Variants in NIBAN1 observed in about 807,000 individuals in gnomAD.
NIBAN1 encodes niban apoptosis regulator 1, also known as protein Niban 1.
In NIBAN1, 81 loss-of-function variants were observed where a neutral mutation model predicts 75.1. That is an observed-to-expected ratio of 1.08 (90% CI 0.90 to 1.30). The LOEUF is 1.30. Among genes scored for constraint, NIBAN1 ranks in the 50% most tolerant of loss-of-function variants. The pLI is 0.00. For synonymous variants in NIBAN1, 436 were observed against 424.8 expected (o/e 1.03, Z -0.32); for missense variants, 1,133 against 1,128.1 (o/e 1.00, Z -0.06).
chr1:184,888,534 G>T (rs577938619), intron 4 of NIBAN1, among the ~76,000 whole-genome samples: 30 of 152,140 alleles, frequency 2.0e-4, no homozygotes, highest in Non-Finnish European at 3.8e-4. Flanking sequence ...TGAGTTACAA[G>T]AATATCACAA....
intron 5 of NIBAN1, among the ~76,000 whole-genome samples, chr1:184,860,277 CG>C (rs1434016776): frequency 4.9e-5 from 2 of 40,490 alleles, no homozygotes; most frequent in South Asian, 8.7e-4. Flanking sequence ...GCGGCGGGGG[CG>C]GGGGGCCAGG....
intron 5 of NIBAN1, among the ~76,000 whole-genome samples, chr1:184,832,579 A>T (rs956374790): frequency 2.6e-5 from 4 of 152,240 alleles, no homozygotes; most frequent in African/African-American, 9.6e-5. Context: ...GCACAGAAAG[A>T]TGAATTAATT....
At chr1:184,816,992 C>T (rs1202448666) in intron 9 of NIBAN1, among the ~76,000 whole-genome samples, 1 of 152,124 alleles carries the variant, frequency 6.6e-6, no homozygotes, top group Non-Finnish European at 1.5e-5. Flanking sequence ...TTGTCATTTA[C>T]ATTAGGTATT....
intron 1 of NIBAN1, among the ~76,000 whole-genome samples, chr1:184,942,419 C>T (rs568603803): frequency 2.6e-5 from 4 of 152,340 alleles, no homozygotes; most frequent in South Asian, 4.1e-4. Flanking sequence ...TGCCGCGGGG[C>T]GCGGTGGCTC....
chr1:184,873,262 A>C (rs925261944), intron 5 of NIBAN1, among the ~76,000 whole-genome samples: 1 of 152,240 alleles, frequency 6.6e-6, no homozygotes, highest in African/African-American at 2.4e-5. Flanking sequence ...TACTTCAGGC[A>C]AAAGGAAAAT....
chr1:184,963,754 A>C (rs1658708742), intron 1 of NIBAN1, among the ~76,000 whole-genome samples: 1 of 152,228 alleles, frequency 6.6e-6, no homozygotes, highest in African/African-American at 2.4e-5. Flanking sequence ...TAAGGATGAA[A>C]GAAAAGCATG....
intron 6 of NIBAN1, among the ~76,000 whole-genome samples, chr1:184,829,194 G>GT (rs779099422): frequency 2.2e-4 from 33 of 152,068 alleles, no homozygotes; most frequent in Non-Finnish European, 3.7e-4. Context: ...CACTTAAAAT[G>GT]TTTTTTATCC....
chr1:184,908,663 G>A (rs1657164046), intron 1 of NIBAN1, among the ~76,000 whole-genome samples: 1 of 152,172 alleles, frequency 6.6e-6, no homozygotes, highest in Admixed American at 6.5e-5. Flanking sequence ...ATAAATAGAT[G>A]AAAGCTGACT....
intron 1 of NIBAN1, among the ~76,000 whole-genome samples, chr1:184,921,779 A>G (rs1012107391): frequency 2.0e-5 from 3 of 152,210 alleles, no homozygotes; most frequent in Non-Finnish European, 4.4e-5. Context: ...ATTAGCATCA[A>G]TTCTGCCATT....
At chr1:184,903,845 T>A (rs1325046787) in intron 1 of NIBAN1, among the ~76,000 whole-genome samples, 3 of 141,866 alleles carry the variant, frequency 2.1e-5, no homozygotes, top group Non-Finnish European at 4.5e-5. Flanking sequence ...TAAGCAATCC[T>A]CCCATCTCAG....
At chr1:184,923,496 G>A (rs1198828321) in intron 1 of NIBAN1, among the ~76,000 whole-genome samples, 1 of 152,176 alleles carries the variant, frequency 6.6e-6, no homozygotes, top group African/African-American at 2.4e-5. Flanking sequence ...GTCAGGTAAT[G>A]TGATTCCTCC....
At chr1:184,954,188 T>C (rs1301989455) in intron 1 of NIBAN1, among the ~76,000 whole-genome samples, 1 of 152,226 alleles carries the variant, frequency 6.6e-6, no homozygotes, top group African/African-American at 2.4e-5. Flanking sequence ...CCTTGGACTA[T>C]TCTAGGACAA....
rs953216311 is a variant in NIBAN1 at position 184,952,491 on chromosome 1, C to T, written c.55+21811G>A. Among the ~76,000 whole-genome samples, 6 of 152,156 alleles carry T rather than the reference C, an allele frequency of 3.9e-5. No individual in the cohort carries two copies. The South Asian group carries it at 8.3e-4, about 21-fold the overall frequency. Reference sequence around the variant, plus strand: ...GGGGTGTCCAGTCTTTGGGATTCCCCGGGCCACATTGGAAGAAGAAGAATT... The same window carrying T: ...GGGGTGTCCAGTCTTTGGGATTCCCTGGGCCACATTGGAAGAAGAAGAATT... On this transcript the variant is annotated intron_variant, in intron 1 of 13. Transcript: ENST00000367511.
intron 9 of NIBAN1, among the ~76,000 whole-genome samples, chr1:184,810,095 C>G (rs1654331846): frequency 6.6e-6 from 1 of 151,858 alleles, no homozygotes; most frequent in Non-Finnish European, 1.5e-5. Flanking sequence ...ATAAGAAACC[C>G]CAAAACATTT....
intron 1 of NIBAN1, among the ~76,000 whole-genome samples, chr1:184,908,698 G>A (rs1359143294): frequency 6.6e-6 from 1 of 152,040 alleles, no homozygotes; most frequent in Non-Finnish European, 1.5e-5. Flanking sequence ...ATTCCACTTG[G>A]AAGAAGTGCT....
chr1:184,898,922 GACAA>G (rs1656875038), intron 2 of NIBAN1, among the ~76,000 whole-genome samples: 1 of 152,128 alleles, frequency 6.6e-6, no homozygotes, highest in African/African-American at 2.4e-5. Context: ...AATTTTCTTA[GACAA>G]ACAAAGCATC....
At chr1:184,972,829 A>C (rs1208842689) in intron 1 of NIBAN1, among the ~76,000 whole-genome samples, 1 of 152,242 alleles carries the variant, frequency 6.6e-6, no homozygotes, top group Non-Finnish European at 1.5e-5. Flanking sequence ...TTCTTTAAGC[A>C]TGTTAATCCT....
chr1:184,832,556 TGAG>T (rs896695971), intron 5 of NIBAN1, among the ~76,000 whole-genome samples: 1 of 152,192 alleles, frequency 6.6e-6, no homozygotes, highest in Non-Finnish European at 1.5e-5. Flanking sequence ...ATTTTACAGA[TGAG>T]GAGACTGAGG....
At chr1:184,845,125 C>A (rs541316177) in intron 5 of NIBAN1, among the ~76,000 whole-genome samples, 17 of 152,320 alleles carry the variant, frequency 1.1e-4, no homozygotes, top group Non-Finnish European at 2.1e-4. Flanking sequence ...CTAAAAGACA[C>A]TAGGAAAGCA....
Sources: gnomAD v4.1 joint callset for allele counts (sites outside exome capture counted in the v4.1 genomes callset) on GRCh38, gnomAD v4.1.1 for gene constraint, MANE v1.5 for transcripts, NCBI Gene and HGNC (gene_info 2026-07-23, HGNC 2026-07-21) for gene names.